The following SOX6 variants were observed in gnomAD, a reference collection of about 807,000 sequenced individuals.
The protein encoded by SOX6 is SRY-box transcription factor 6.
In SOX6, 11 loss-of-function variants were observed where a neutral mutation model predicts 97.8. The ratio of observed to expected loss-of-function variants is 0.11; its 90% CI spans 0.07 to 0.19. SOX6 has a LOEUF of 0.19. SOX6 is among the 10% of genes least tolerant of loss of function. The pLI is 1.00. For missense variants in SOX6, 810 were observed against 1,039.5 expected (o/e 0.78, Z 3.04); for synonymous variants, 360 against 371.4 (o/e 0.97, Z 0.35).
intron 1 of SOX6, among the ~76,000 whole-genome samples, chr11:16,428,989 T>G (rs568923767): frequency 6.6e-6 from 1 of 152,232 alleles, no homozygotes; most frequent in East Asian, 1.9e-4. Flanking sequence ...GTTTGTATCC[T>G]CTTTTATTTC....
At chr11:16,298,675 C>T (rs1855166952) in intron 3 of SOX6, among the ~76,000 whole-genome samples, 1 of 152,054 alleles carries the variant, frequency 6.6e-6, no homozygotes, top group Non-Finnish European at 1.5e-5. Context: ...GAGATTTTAA[C>T]TTCTTCTTAA....
Position 16,578,279 on chromosome 11 carries a change from T to C in SOX6, n.609+33802A>G, listed in dbSNP as rs182200027. On this transcript the variant is annotated intron_variant and non_coding_transcript_variant, in intron 4 of 5. Transcript: ENST00000524520. Reference sequence around the variant, plus strand: ...CTGGAAATTTTGAATTATGGTTACTTGTCTATGAGCATAATTTGAAAAGAA... The same window carrying C: ...CTGGAAATTTTGAATTATGGTTACTCGTCTATGAGCATAATTTGAAAAGAA... 2.2e-4 allele frequency among the ~76,000 whole-genome samples: 33 copies of C among 152,314 alleles called. No individual in the cohort carries two copies. In the East Asian group the frequency reaches 6.0e-3, roughly 28 times the overall value.
chr11:16,295,487 C>A (rs1253366418), intron 3 of SOX6, among the ~76,000 whole-genome samples: 2 of 151,816 alleles, frequency 1.3e-5, no homozygotes, highest in Admixed American at 6.6e-5. Context: ...ATAAATACCA[C>A]CCCCCCTCAT....
At chr11:16,273,757 G>A (rs1450145102) in intron 3 of SOX6, among the ~76,000 whole-genome samples, 1 of 151,968 alleles carries the variant, frequency 6.6e-6, no homozygotes, top group African/African-American at 2.4e-5. Flanking sequence ...TAGAAATTTG[G>A]GAATACTACA....
At chr11:16,647,766 C>T (rs1158633736) in intron 3 of SOX6, among the ~76,000 whole-genome samples, 55 of 152,154 alleles carry the variant, frequency 3.6e-4, no homozygotes, top group Admixed American at 3.5e-3. Context: ...AGGAGAAGGA[C>T]TTAACCTTAT....
intron 13 of SOX6, among the ~76,000 whole-genome samples, chr11:16,011,159 A>G (rs565824736): frequency 1.4e-4 from 22 of 152,054 alleles, no homozygotes; most frequent in Non-Finnish European, 2.2e-4. Context: ...AGAAAAGGGG[A>G]AATGCCATAC....
intron 4 of SOX6, among the ~76,000 whole-genome samples, chr11:16,566,932 A>C (rs767237306): frequency 6.6e-6 from 1 of 152,256 alleles, no homozygotes; most frequent in African/African-American, 2.4e-5. Context: ...CTAAATGTCC[A>C]TCAATAGATG....
chr11:16,578,228 G>C (rs983538946), intron 4 of SOX6, among the ~76,000 whole-genome samples: 2 of 152,016 alleles, frequency 1.3e-5, no homozygotes, highest in African/African-American at 4.8e-5. Flanking sequence ...TAGCATTACT[G>C]TTTTTAAGAA....
At chr11:16,548,731 G>A (rs888172674) in intron 4 of SOX6, among the ~76,000 whole-genome samples, 1 of 152,090 alleles carries the variant, frequency 6.6e-6, no homozygotes, top group Non-Finnish European at 1.5e-5. Context: ...AGTTAGTCAG[G>A]AGGAATAAGT....
intron 3 of SOX6, among the ~76,000 whole-genome samples, chr11:16,248,604 T>C (rs1853410826): frequency 6.6e-6 from 1 of 152,254 alleles, no homozygotes; most frequent in Non-Finnish European, 1.5e-5. Flanking sequence ...GCTGTACTTT[T>C]GCCCCTTGTA....
intron 4 of SOX6, among the ~76,000 whole-genome samples, chr11:16,214,904 C>G (rs769822784): frequency 2.6e-5 from 4 of 151,978 alleles, no homozygotes; most frequent in Non-Finnish European, 4.4e-5. Context: ...CACACACCAC[C>G]ACACCCAGCT....
chr11:16,380,421 TCTGA>T (rs1484439013), intron 1 of SOX6, among the ~76,000 whole-genome samples: 2 of 152,096 alleles, frequency 1.3e-5, no homozygotes, highest in Non-Finnish European at 2.9e-5. Flanking sequence ...TTTCATATTT[TCTGA>T]CTTTTTCCAA....
At chr11:16,585,438 T>C (rs1848080557) in intron 4 of SOX6, among the ~76,000 whole-genome samples, 1 of 152,096 alleles carries the variant, frequency 6.6e-6, no homozygotes, top group Admixed American at 6.5e-5. Context: ...CCTGAAGAGA[T>C]TAAAACAACA....
chr11:16,241,862 G>T (rs1354227693), intron 3 of SOX6, among the ~76,000 whole-genome samples: 3 of 152,004 alleles, frequency 2.0e-5, no homozygotes, highest in Non-Finnish European at 4.4e-5. Context: ...GCAGCAGTAA[G>T]AATGGATACA....
intron 4 of SOX6, among the ~76,000 whole-genome samples, chr11:16,556,462 T>A (rs1847750106): frequency 6.6e-6 from 1 of 151,750 alleles, no homozygotes; most frequent in South Asian, 2.1e-4. Flanking sequence ...GGCCCAAATA[T>A]TCAAATACAA....
intron 1 of SOX6, among the ~76,000 whole-genome samples, chr11:16,401,102 G>A (rs1401146746): frequency 6.6e-6 from 1 of 151,434 alleles, no homozygotes; most frequent in Non-Finnish European, 1.5e-5. Context: ...TAATGAAATT[G>A]AATAACATTG....
chr11:16,451,676 C>T (rs1416415164), intron 1 of SOX6, among the ~76,000 whole-genome samples: 1 of 152,092 alleles, frequency 6.6e-6, no homozygotes, highest in Non-Finnish European at 1.5e-5. Context: ...CATTCAGCTG[C>T]ACCTGCTGAA....
chr11:16,140,582 T>C (rs1221785811), intron 6 of SOX6, among the ~76,000 whole-genome samples: 1 of 152,194 alleles, frequency 6.6e-6, no homozygotes, highest in Non-Finnish European at 1.5e-5. Flanking sequence ...TGTGGTTCAG[T>C]GTCTGGCAGA....
At chr11:16,028,134 T>G (rs1855262654) in intron 12 of SOX6, among the ~76,000 whole-genome samples, 2 of 152,200 alleles carry the variant, frequency 1.3e-5, no homozygotes, top group South Asian at 4.1e-4. Flanking sequence ...AAGAATAAAT[T>G]TTGTACACAG....
Sources: allele counts gnomAD v4.1 joint callset (sites outside exome capture counted in the v4.1 genomes callset), GRCh38; gene constraint gnomAD v4.1.1; transcripts MANE v1.5; gene names NCBI Gene and HGNC (gene_info 2026-07-23, HGNC 2026-07-21).